The following VPS53 variants were observed in gnomAD, a reference collection of about 807,000 sequenced individuals.
The protein encoded by VPS53 is vacuolar protein sorting-associated protein 53 homolog.
Under a neutral mutation model 107.0 loss-of-function variants are expected in VPS53, and 70 were observed. That is an observed-to-expected ratio of 0.65 (90% CI 0.54 to 0.80). VPS53 has a LOEUF of 0.80. Ranked by LOEUF, VPS53 falls within the 30% of genes least tolerant of loss-of-function variation. The pLI is 0.00. For missense variants in VPS53, 917 were observed against 1,049.4 expected, an observed-to-expected ratio of 0.87 and a Z score of 1.74; for synonymous variants, 409 against 393.3, an observed-to-expected ratio of 1.04 and a Z score of -0.47.
intron 4 of VPS53, among the ~76,000 whole-genome samples, chr17:662,834 A>G (rs113739586): frequency 0.036 from 4,314 of 119,320 alleles, 207 homozygotes; most frequent in East Asian, 0.24. Context: ...AAAGAGAAAG[A>G]AAGGAAGGAA....
At chr17:609,852 G>A (rs1336356447) in intron 11 of VPS53, among the ~76,000 whole-genome samples, 2 of 152,062 alleles carry the variant, frequency 1.3e-5, no homozygotes, top group South Asian at 2.1e-4. Context: ...AGACAAGGCC[G>A]GGTGCGGTGG....
At chr17:635,417 A>T (rs530904261) in intron 7 of VPS53, among the ~76,000 whole-genome samples, 164 of 152,206 alleles carry the variant, frequency 1.1e-3, no homozygotes, top group African/African-American at 3.8e-3. Flanking sequence ...CCCATTTGTC[A>T]ATTTTGGCTT....
At chr17:546,681 A>G (rs1243913065) in intron 17 of VPS53, among the ~76,000 whole-genome samples, 2 of 152,210 alleles carry the variant, frequency 1.3e-5, no homozygotes, top group African/African-American at 4.8e-5. Flanking sequence ...CACACCCACG[A>G]AAATGGCTAT....
intron 12 of VPS53, among the ~76,000 whole-genome samples, chr17:599,704 C>G (rs965674382): frequency 6.7e-6 from 1 of 150,152 alleles, no homozygotes; most frequent in Admixed American, 6.7e-5. Flanking sequence ...TGTCCTATGA[C>G]CCTGCCAAAT....
chr17:601,772 G>A (rs377602671), intron 12 of VPS53, 23 bp downstream of exon 12: 46 of 1,556,808 alleles, frequency 3.0e-5, no homozygotes, highest in Middle Eastern at 1.9e-4. Context: ...TAGGTTACCC[G>A]TGGTGACGCA....
chr17:692,911 G>A lies in VPS53; in HGVS notation c.285+4507C>T, dbSNP rs150640466. ...AGCACTTTGGGAGGCCGAGGCGGGC[G>A]GACCATGAAGTCAGGAGTTTGAGAC... On this transcript the variant is annotated intron_variant, in intron 4 of 21. Coordinates refer to ENST00000437048, the MANE Select transcript of VPS53 (RefSeq NM_001128159.3). Among the ~76,000 whole-genome samples, 840 of 152,252 alleles carry A rather than the reference G, an allele frequency of 5.5e-3. 2 individuals are homozygous for A. The highest frequency in any genetic ancestry group is 0.01 in the African/African-American group (431 of 41,544).
chr17:573,537 C>A (rs1005273566), intron 13 of VPS53, among the ~76,000 whole-genome samples: 26 of 152,298 alleles, frequency 1.7e-4, no homozygotes, highest in African/African-American at 5.8e-4. Context: ...GCCACACTGA[C>A]AAGGCCACCC....
chr17:641,672 C>A (rs1970428651), intron 7 of VPS53, among the ~76,000 whole-genome samples: 1 of 152,156 alleles, frequency 6.6e-6, no homozygotes, highest in Non-Finnish European at 1.5e-5. Context: ...CCAGGCTGAT[C>A]TCAAACTCCT....
intron 4 of VPS53, among the ~76,000 whole-genome samples, chr17:666,599 G>A (rs1424715532): frequency 1.3e-5 from 2 of 151,744 alleles, no homozygotes; most frequent in Admixed American, 1.3e-4. Flanking sequence ...AGGAGGCAGA[G>A]GTTGCAGTGA....
At chr17:630,111 T>C (rs1011762634) in intron 8 of VPS53, among the ~76,000 whole-genome samples, 5 of 151,852 alleles carry the variant, frequency 3.3e-5, no homozygotes, top group African/African-American at 1.2e-4. Context: ...CTGGCCAACA[T>C]GGAGAAACCC....
intron 13 of VPS53, among the ~76,000 whole-genome samples, chr17:572,103 C>T (rs1299178071): frequency 6.6e-6 from 1 of 151,154 alleles, no homozygotes; most frequent in Non-Finnish European, 1.5e-5. Context: ...GTGAGGAGCG[C>T]CTCTTCCCGG....
At chr17:677,755 G>A (rs919447451) in intron 4 of VPS53, among the ~76,000 whole-genome samples, 8 of 151,976 alleles carry the variant, frequency 5.3e-5, no homozygotes, top group African/African-American at 1.9e-4. Context: ...ATTGAAAAAG[G>A]TTATATTTAC....
At chr17:640,585 G>A (rs995482717) in intron 7 of VPS53, among the ~76,000 whole-genome samples, 25 of 152,014 alleles carry the variant, frequency 1.6e-4, no homozygotes, top group African/African-American at 4.8e-4. Flanking sequence ...CACCTCTTGA[G>A]ATAGGCTGGA....
At chr17:630,286 C>A (rs111235896) in intron 8 of VPS53, among the ~76,000 whole-genome samples, 3 of 150,016 alleles carry the variant, frequency 2.0e-5, no homozygotes, top group East Asian at 3.9e-4. Flanking sequence ...AGTGAAACTC[C>A]GTCAAAAAAA....
intron 4 of VPS53, among the ~76,000 whole-genome samples, chr17:669,266 T>G (rs1971831743): frequency 6.6e-6 from 1 of 152,120 alleles, no homozygotes; most frequent in Non-Finnish European, 1.5e-5. Context: ...AAAGAATCAC[T>G]CTGGCACTGT....
Position 524,164 on chromosome 17 carries a change from T to C in VPS53, c.2086-2426A>G, listed in dbSNP as rs1193846294. On this transcript the variant is annotated intron_variant, in intron 19 of 21. Coordinates refer to ENST00000437048, the MANE Select transcript of VPS53 (RefSeq NM_001128159.3). This position sits in a 1 kb window ranked among gnomAD's most constrained non-coding sequence, Gnocchi z 4.5. ...AAATACAAAAATTAGCCGGGTGTGG[T>C]GGCGCATGCCTGTAATCCCAGCTAC... 6.6e-6 allele frequency among the ~76,000 whole-genome samples: 1 copy of C among 152,056 alleles called. No homozygotes were observed.
intron 11 of VPS53, among the ~76,000 whole-genome samples, chr17:620,625 C>A (rs1371279509): frequency 6.6e-6 from 1 of 152,038 alleles, no homozygotes; most frequent in African/African-American, 2.4e-5. Flanking sequence ...GCGTGGGTCA[C>A]CAAGTGGATG....
chr17:713,668 GA>G (rs1246319816), intron 1 of VPS53, among the ~76,000 whole-genome samples: 7 of 143,186 alleles, frequency 4.9e-5, no homozygotes, highest in African/African-American at 1.3e-4. Flanking sequence ...CAAAAAAAAA[GA>G]AAAAAAGAAA....
chr17:593,549 C>A lies in VPS53; in HGVS notation c.1219-7185G>T, dbSNP rs1267592629. Among the ~76,000 whole-genome samples, 37 of 152,282 alleles carry A rather than the reference C, an allele frequency of 2.4e-4. No homozygotes were observed. The East Asian group carries it at 6.8e-3, about 28-fold the overall frequency. On this transcript the variant is annotated intron_variant, in intron 12 of 21. Coordinates refer to ENST00000437048, the MANE Select transcript of VPS53 (RefSeq NM_001128159.3). ...AAGACATTTATGCAGCCAAAAAACA[C>A]ATGAAAAAATGCTCACCATCACTGG...
Sources: gnomAD v4.1 joint callset for allele counts (sites outside exome capture counted in the v4.1 genomes callset) on GRCh38, gnomAD v4.1.1 for gene constraint, Gnocchi (gnomAD v3.1) non-coding constraint, MANE v1.5 for transcripts, NCBI Gene and HGNC (gene_info 2026-07-23, HGNC 2026-07-21) for gene names.